Variants in BCAN observed in about 807,000 individuals in gnomAD.
BCAN encodes the protein brevican.
BCAN carries 51 observed loss-of-function variants against 92.4 expected under a neutral mutation model. That is an observed-to-expected ratio of 0.55 (90% CI 0.44 to 0.70). The LOEUF (loss-of-function observed/expected upper bound fraction) is 0.70. Ranked by LOEUF, BCAN falls within the 30% of genes least tolerant of loss-of-function variation. The pLI is 0.00. For synonymous variants in BCAN, 501 were observed against 505.2 expected (o/e 0.99, Z 0.11); for missense variants, 1,140 against 1,212.1 (o/e 0.94, Z 0.88).
At chr1:156,650,582 G>A (rs1382514085) in intron 6 of BCAN, among the ~76,000 whole-genome samples, 1 of 152,182 alleles carries the variant, frequency 6.6e-6, no homozygotes, top group African/African-American at 2.4e-5. Flanking sequence ...AGATCCTCAG[G>A]TGATGCCTGA....
chr1:156,651,568 G>C lies in BCAN; in HGVS notation c.1176G>C (p.Leu392=). 6.2e-7 allele frequency: 1 copy of C among 1,613,966 alleles called. No individual in the cohort carries two copies. The highest frequency in any genetic ancestry group is 8.5e-7 in the Non-Finnish European group (1 of 1,180,006). Residue 392 remains leucine, a synonymous_variant, in exon 7 of 14, where the codon CTG becomes CTC. Transcript: ENST00000329117. ...CAGAGACCCTGGAGGAACTGCAGCT[G>C]CCTCAGGAAGCCACAGAGAGTGAAT... ...TVTETLEELQ[L]PQEATESESR... is the part of the protein sequence containing the mutation.
At position 156,658,032 on chromosome 1, in the gene BCAN, G is replaced by C. The variant is rs1409263570; in HGVS notation, c.2293-95G>C. 1 of 1,463,838 alleles carries C rather than the reference G, an allele frequency of 6.8e-7. No homozygotes were observed. The highest frequency in any genetic ancestry group is 1.4e-5 in the African/African-American group (1 of 71,158). 90.7% of individuals were successfully genotyped at this position (1,463,838 alleles called of 1,614,324 possible). On this transcript the variant is annotated intron_variant, in intron 11 of 13. Transcript: ENST00000329117. This position sits in a 1 kb window ranked among gnomAD's most constrained non-coding sequence, Gnocchi z 4.4. ...CCTAGCCCTAACCTTCCCTCTCCTG[G>C]GGCCCCGCTCACCAGCCCTCCTCCC...
chr1:156,656,378 T>A lies in BCAN; in HGVS notation c.2039T>A (p.Leu680Gln). ...CLCLPGYGGD[L>Q]CDVGLRFCNP... ...TGTCTGCCTGGCTATGGGGGGGACC[T>A]GTGCGATGTTGGTGAGTGTTGAGGG... Residue 680 changes from leucine (L) to glutamine (Q), a missense_variant, in exon 9 of 14, where the codon CTG (leucine) becomes CAG (glutamine). Physicochemically the swap from Leu to Gln is moderately radical, Grantham distance 113 (BLOSUM62 -2). Transcript: ENST00000329117. 1 of 1,368,522 alleles carries A rather than the reference T, an allele frequency of 7.3e-7. No homozygotes were observed. The highest frequency in any genetic ancestry group is 2.3e-5 in the South Asian group (1 of 43,774). 84.8% of individuals were successfully genotyped at this position (1,368,522 alleles called of 1,614,324 possible). A position where few individuals can be genotyped will look rare whatever the true frequency, so the allele number is the denominator to read the frequency against.
rs1679026857 is a variant in BCAN at position 156,647,597 on chromosome 1, A to G, written c.556A>G (p.Ile186Val). The change falls in exon 4 of 14, where the codon ATC (isoleucine) becomes GTC (valine). Residue 186 changes from isoleucine to valine, a missense_variant. By Grantham distance (29) the Ile-to-Val change is conservative. Around this residue, in one of 3 missense-constraint regions of BCAN, gnomAD observed 286 missense variants for 284.1 expected, o/e 1.01. Coordinates refer to ENST00000329117, the MANE Select transcript of BCAN (RefSeq NM_021948.5). The surrounding 1 kb of genome is among the most constrained non-coding windows in gnomAD (Gnocchi z 4.8). ...QEACARIGAHIATPEQLYAAY... is the reference protein window; with the variant it reads ...QEACARIGAHVATPEQLYAAY... ...GGCCTGTGCCCGCATTGGAGCCCAC[A>G]TCGCCACCCCGGAGCAGCTCTATGC... 2 of 1,613,160 alleles carry G rather than the reference A, an allele frequency of 1.2e-6. No individual in the cohort carries two copies. Among genetic ancestry groups the G allele is most frequent in the Non-Finnish European group, 1.7e-6 (2 of 1,179,706 alleles).
At position 156,652,906 on chromosome 1, in the gene BCAN, A is replaced by G. The variant is rs750872169; in HGVS notation, c.1942+14A>G. On this transcript the variant is annotated intron_variant, in intron 8 of 13. Coordinates refer to ENST00000329117, the MANE Select transcript of BCAN (RefSeq NM_021948.5). ...TCCCCGCATCAGGTAATTCTGCCCA[A>G]GGCTCAACTGCCCTCTCTATCCTAC... The G allele has an allele frequency of 6.2e-7, 1 of 1,613,086 alleles. No individual in the cohort carries two copies. Among genetic ancestry groups the G allele is most frequent in the Non-Finnish European group, 8.5e-7 (1 of 1,179,826 alleles).
At position 156,657,724 on chromosome 1, in the gene BCAN, A is replaced by G. The variant is rs1371413493; in HGVS notation, c.2259A>G (p.Glu753=). Reference sequence around the variant, plus strand: ...TCGGACTCAACGACAGGACCATCGAAGGCGACTTCTTGTGGTCGGATGGCG... The same window carrying G: ...TCGGACTCAACGACAGGACCATCGAGGGCGACTTCTTGTGGTCGGATGGCG... The part of the protein sequence containing the change: ...QWIGLNDRTI[E]GDFLWSDGVP... The change falls in exon 11 of 14, where the codon GAA becomes GAG. Residue 753 remains glutamate, a synonymous_variant. Transcript: ENST00000329117. The G allele has an allele frequency of 3.1e-6, 5 of 1,612,612 alleles. No individual in the cohort carries two copies. The South Asian group carries it at 5.5e-5, about 18-fold the overall frequency.
chr1:156,649,880 G>A (rs947273214), intron 6 of BCAN: 2 of 518,964 alleles, frequency 3.9e-6, no homozygotes, highest in Non-Finnish European at 7.7e-6. Context: ...GAAATGGAAG[G>A]AGCAGACACA....
chr1:156,648,466 C>T, intron 5 of BCAN, 102 bp from the exon 6 acceptor site: 1 of 1,261,562 alleles, frequency 7.9e-7, no homozygotes. Context: ...CTCCCTGCCA[C>T]AGATGAGGGA....
chr1:156,658,491 G>C lies in BCAN; in HGVS notation c.2438-52G>C. The stretch of plus-strand genomic sequence containing the variant: ...TTTTCTCTTCCCCATGGAGATTCTG[G>C]GAACTGTCACCCACAGAGCCAGGCT... On this transcript the variant is annotated intron_variant, in intron 12 of 13. Transcript: ENST00000329117. The surrounding 1 kb of genome is among the most constrained non-coding windows in gnomAD (Gnocchi z 4.4). 6.3e-7 allele frequency: 1 copy of C among 1,575,514 alleles called. No homozygotes were observed.
rs765467935 is a variant in BCAN, at chr1:156,656,290, G to A, written c.1951G>A (p.Val651Ile). Reference sequence around the variant, plus strand: ...TTCTTTCCCCCTCTCAGGTGACTGTGTCCCCAGCCCCTGCCACAATGGTGG... The same window carrying A: ...TTCTTTCCCCCTCTCAGGTGACTGTATCCCCAGCCCCTGCCACAATGGTGG... ...VAVVPASGDC[V>I]PSPCHNGGTC... The change falls in exon 9 of 14, where the codon GTC (valine) becomes ATC (isoleucine). Residue 651 changes from valine (V) to isoleucine (I), a missense_variant. This residue lies in a region of BCAN where 825 missense variants were observed against 871.8 expected (regional missense o/e 0.95). Coordinates refer to ENST00000329117, the MANE Select transcript of BCAN (RefSeq NM_021948.5). The A allele has an allele frequency of 6.8e-7, 1 of 1,461,238 alleles. No individual in the cohort carries two copies. Among genetic ancestry groups the A allele is most frequent in the South Asian group, 1.7e-5 (1 of 60,274 alleles). The allele number at this position is 1,461,238 out of a possible 1,614,324, so 90.5% of individuals were successfully genotyped here. A position where few individuals can be genotyped will look rare whatever the true frequency, so the allele number is the denominator to read the frequency against.
intron 7 of BCAN, 145 bp from the exon 8 acceptor site, chr1:156,652,103 G>A (rs1044466354): frequency 1.8e-6 from 2 of 1,103,000 alleles, no homozygotes; most frequent in East Asian, 2.5e-5. Flanking sequence ...CCAGTGTGGC[G>A]CAAGGACCAC....
chr1:156,651,407 G>T, intron 6 of BCAN, 49 bp from the exon 7 acceptor site: 1 of 1,499,530 alleles, frequency 6.7e-7, no homozygotes, highest in Non-Finnish European at 9.2e-7. Context: ...GACCTGGGAG[G>T]GCAGAGCTAC....
At position 156,642,596 on chromosome 1, in the gene BCAN, G is replaced by C. The variant is rs1011448589; in HGVS notation, c.-9+321G>C. ...TCCCAGCGCGGCCGCCGAGATTTCC[G>C]ACCTTGTCCCAGGCAGGGCGGTAGC... On this transcript the variant is annotated intron_variant, in intron 1 of 13. Transcript: ENST00000329117. The surrounding 1 kb of genome is among the most constrained non-coding windows in gnomAD (Gnocchi z 4.2). 5 of 152,374 alleles carry C rather than the reference G, an allele frequency of 3.3e-5. No individual in the cohort carries two copies. The highest frequency in any genetic ancestry group is 9.6e-5 in the African/African-American group (4 of 41,454). The allele number at this position is 152,374 out of a possible 1,614,324, so 9.4% of individuals were successfully genotyped here.
rs1225004258 is a variant in BCAN, at chr1:156,647,296, G to C, written c.466+121G>C. 3.8e-6 allele frequency: 5 copies of C among 1,300,400 alleles called. No individual in the cohort carries two copies. In the South Asian group the frequency reaches 4.7e-5, roughly 12 times the overall value. 80.6% of individuals were successfully genotyped at this position (1,300,400 alleles called of 1,614,324 possible). On this transcript the variant is annotated intron_variant, in intron 3 of 13. Transcript: ENST00000329117. The surrounding 1 kb of genome is among the most constrained non-coding windows in gnomAD (Gnocchi z 4.8). ...TAGCTGGAAGGCGCAGCCTGGGTTG[G>C]AAAAAGAGTGAGGAGACACGGGCCT...
At chr1:156,646,526 A>G in intron 2 of BCAN, 1 of 533,674 alleles carries the variant, frequency 1.9e-6, no homozygotes, top group Non-Finnish European at 3.2e-6. Context: ...AATTTTGGAG[A>G]GGAAGTGGAA....
In BCAN at chr1:156,652,340, G is replaced by C; in HGVS notation, c.1390G>C (p.Glu464Gln). ...AGAAGAGAAATATGAAGATGAAGAA[G>C]AGAAAGAGGAGGAAGAAGAAGAGGA... ...EEEEKYEDEE[E>Q]KEEEEEEEEV... is the part of the protein sequence containing the mutation. Residue 464 changes from glutamate (E) to glutamine (Q), a missense_variant, in exon 8 of 14, where the codon GAG becomes CAG. Glu to Gln is a conservative substitution (Grantham distance 29). Around this residue, in one of 3 missense-constraint regions of BCAN, gnomAD observed 825 missense variants for 871.8 expected, o/e 0.95. Transcript: ENST00000329117. The C allele has an allele frequency of 6.2e-7, 1 of 1,613,992 alleles. No individual in the cohort carries two copies.
Position 156,642,177 on chromosome 1 carries a change from C to G in BCAN, c.-107C>G, listed in dbSNP as rs945318519. 2 of 152,318 alleles carry G rather than the reference C, an allele frequency of 1.3e-5. No individual in the cohort carries two copies. Among genetic ancestry groups the G allele is most frequent in the East Asian group, 1.9e-4 (1 of 5,194 alleles). The allele number at this position is 152,318 out of a possible 1,614,324, so 9.4% of individuals were successfully genotyped here. Reference sequence around the variant, plus strand: ...ACGCTCGCGCAGTCTCCGCCGCAGTCTCAGCTGCAGCTGCAGGACTGAGCC... The same window carrying G: ...ACGCTCGCGCAGTCTCCGCCGCAGTGTCAGCTGCAGCTGCAGGACTGAGCC... On this transcript the variant is annotated 5_prime_UTR_variant, in exon 1 of 14. Transcript: ENST00000329117. The surrounding 1 kb of genome is among the most constrained non-coding windows in gnomAD (Gnocchi z 4.2).
At chr1:156,648,455 A>T in intron 5 of BCAN, 113 bp from the exon 6 acceptor site, 1 of 1,148,330 alleles carries the variant, frequency 8.7e-7, no homozygotes, top group Non-Finnish European at 1.2e-6. Flanking sequence ...AGAGTAGTTG[A>T]CTCCCTGCCA....
chr1:156,657,073 C>T lies in BCAN; in HGVS notation c.2186C>T (p.Pro729Leu), dbSNP rs370437601. 1.2e-6 allele frequency: 2 copies of T among 1,613,936 alleles called. No homozygotes were observed. Among genetic ancestry groups the T allele is most frequent in the Admixed American group, 1.7e-5 (1 of 60,008 alleles). Residue 729 changes from proline to leucine, a missense_variant, in exon 10 of 14, where the codon CCC becomes CTC. Coordinates refer to ENST00000329117, the MANE Select transcript of BCAN (RefSeq NM_021948.5). The part of the protein sequence containing the change: ...YGAHLASIST[P>L]EEQDFINNRY... ...GCGCATCTGGCCAGCATCAGCACAC[C>T]CGAGGAACAGGACTTCATCAACAGT...
Sources: allele counts gnomAD v4.1 joint callset (sites outside exome capture counted in the v4.1 genomes callset), GRCh38; gene constraint gnomAD v4.1.1; regional missense constraint gnomAD v4.1.1; non-coding constraint Gnocchi (gnomAD v3.1); transcripts MANE v1.5; gene names NCBI Gene and HGNC (gene_info 2026-07-23, HGNC 2026-07-21).